The following APP variants were observed in gnomAD, a reference collection of about 807,000 sequenced individuals.
APP encodes the protein amyloid-beta precursor protein.
Under a neutral mutation model 101.4 loss-of-function variants are expected in APP, and 31 were observed. That is an observed-to-expected ratio of 0.31 (90% CI 0.23 to 0.41). The LOEUF (loss-of-function observed/expected upper bound fraction) is 0.41, where lower values mean the gene tolerates loss of function less well. Ranked by LOEUF, APP falls within the 10% of genes least tolerant of loss-of-function variation. The pLI, the probability that APP is intolerant of heterozygous loss-of-function variation, is 1.00. For synonymous variants in APP, 366 were observed against 364.4 expected, an observed-to-expected ratio of 1.00 and a Z score of -0.05; for missense variants, 839 against 1,003.7, an observed-to-expected ratio of 0.84 and a Z score of 2.22.
chr21:25,970,121 C>T (rs1047820190), intron 11 of APP, among the ~76,000 whole-genome samples: 1 of 151,970 alleles, frequency 6.6e-6, no homozygotes, highest in African/African-American at 2.4e-5. Context: ...TAAAATATTT[C>T]TTCCTAATCC....
chr21:25,930,999 T>C (rs1053287470), intron 13 of APP, among the ~76,000 whole-genome samples: 1 of 152,098 alleles, frequency 6.6e-6, no homozygotes, highest in Non-Finnish European at 1.5e-5. Context: ...AAAGAAATAA[T>C]CTGCAACCAA....
intron 2 of APP, among the ~76,000 whole-genome samples, chr21:26,100,406 T>G (rs2062030301): frequency 1.3e-5 from 2 of 152,224 alleles, no homozygotes; most frequent in Non-Finnish European, 2.9e-5. Context: ...TTGCCAATTT[T>G]CAGCCTACAA....
At chr21:26,022,800 T>C (rs745408401) in intron 5 of APP, among the ~76,000 whole-genome samples, 2 of 152,210 alleles carry the variant, frequency 1.3e-5, no homozygotes, top group Non-Finnish European at 2.9e-5. Flanking sequence ...TGGAAATTGG[T>C]TTAAAAACTG....
chr21:26,109,220 T>A (rs1048934547), intron 2 of APP, among the ~76,000 whole-genome samples: 1 of 152,236 alleles, frequency 6.6e-6, no homozygotes, highest in African/African-American at 2.4e-5. Flanking sequence ...AACCCTTTGA[T>A]ACAGTTTGGC....
At chr21:26,109,295 G>A (rs1419634964) in intron 2 of APP, among the ~76,000 whole-genome samples, 1 of 152,192 alleles carries the variant, frequency 6.6e-6, no homozygotes, top group African/African-American at 2.4e-5. Context: ...GGGTCTGGTG[G>A]GAAGGGATTG....
intron 6 of APP, among the ~76,000 whole-genome samples, chr21:26,019,078 T>A (rs1396946019): frequency 6.6e-6 from 1 of 152,262 alleles, no homozygotes; most frequent in Non-Finnish European, 1.5e-5. Flanking sequence ...TTGTACTGCA[T>A]AACTGATGTC....
intron 13 of APP, among the ~76,000 whole-genome samples, chr21:25,940,013 T>G (rs1036935183): frequency 1.3e-5 from 2 of 152,128 alleles, no homozygotes; most frequent in African/African-American, 4.8e-5. Context: ...GGAGAATGTC[T>G]GACATTTTCA....
intron 13 of APP, among the ~76,000 whole-genome samples, chr21:25,916,544 T>A (rs998179379): frequency 2.0e-5 from 3 of 152,180 alleles, no homozygotes; most frequent in African/African-American, 7.2e-5. Context: ...TTGACTTCCA[T>A]GGTGAGACTA....
intron 11 of APP, among the ~76,000 whole-genome samples, chr21:25,972,918 G>A (rs1187168224): frequency 2.6e-5 from 4 of 151,886 alleles, no homozygotes; most frequent in African/African-American, 4.8e-5. Flanking sequence ...GAGAGAGAGA[G>A]ATGAAAAATG....
chr21:26,046,850 T>TA (rs2045632541), intron 5 of APP, among the ~76,000 whole-genome samples: 2 of 152,194 alleles, frequency 1.3e-5, no homozygotes, highest in African/African-American at 4.8e-5. Context: ...CCTACCTGGC[T>TA]AGTCTTACAA....
chr21:25,906,818 A>G (rs2038815762), intron 14 of APP, among the ~76,000 whole-genome samples: 1 of 151,730 alleles, frequency 6.6e-6, no homozygotes, highest in Non-Finnish European at 1.5e-5. Flanking sequence ...ACAACAGACC[A>G]CATGCACGAG....
chr21:26,091,502 C>G (rs971152168), intron 2 of APP, among the ~76,000 whole-genome samples: 1 of 152,154 alleles, frequency 6.6e-6, no homozygotes, highest in African/African-American at 2.4e-5. Flanking sequence ...GAATCATGAA[C>G]TGACAAATTG....
intron 5 of APP, among the ~76,000 whole-genome samples, chr21:26,032,871 G>C (rs2044903096): frequency 6.6e-6 from 1 of 151,640 alleles, no homozygotes. Context: ...CCCAACTGCT[G>C]ACTATAGGCT....
At chr21:26,167,594 A>G (rs1283364248) in intron 1 of APP, among the ~76,000 whole-genome samples, 1 of 152,220 alleles carries the variant, frequency 6.6e-6, no homozygotes, top group Admixed American at 6.5e-5. Context: ...AAACAGTAAC[A>G]TAAAATAGAG....
chr21:26,152,284 CAAAAAAAA>C (rs1161739630), intron 1 of APP, among the ~76,000 whole-genome samples: 3 of 36,202 alleles, frequency 8.3e-5, no homozygotes, highest in Admixed American at 4.3e-4. Context: ...GACTCCATCT[CAAAAAAAA>C]AAAAAAAAAA....
At chr21:25,988,196 C>G (rs1337079580) in intron 8 of APP, among the ~76,000 whole-genome samples, 1 of 152,024 alleles carries the variant, frequency 6.6e-6, no homozygotes, top group Non-Finnish European at 1.5e-5. Flanking sequence ...GCAAATTCCA[C>G]GAGACCCGCA....
At chr21:25,903,028 G>A (rs530273269) in intron 15 of APP, among the ~76,000 whole-genome samples, 5 of 151,988 alleles carry the variant, frequency 3.3e-5, no homozygotes, top group African/African-American at 7.3e-5. Context: ...GTTTGACAGC[G>A]TTTGGAGGTG....
chr21:25,983,407 A>C (rs928277261), intron 8 of APP, among the ~76,000 whole-genome samples: 1 of 152,244 alleles, frequency 6.6e-6, no homozygotes, highest in Non-Finnish European at 1.5e-5. Context: ...AAATATCACC[A>C]ATGTTCCAAG....
At chr21:26,053,032 C>T (rs138772727) in intron 4 of APP, among the ~76,000 whole-genome samples, 8 of 152,170 alleles carry the variant, frequency 5.3e-5, no homozygotes, top group East Asian at 1.9e-4. Flanking sequence ...AGGGGGTACA[C>T]GGGAACTCTA....
Sources: gnomAD v4.1 joint callset for allele counts (sites outside exome capture counted in the v4.1 genomes callset) on GRCh38, gnomAD v4.1.1 for gene constraint, MANE v1.5 for transcripts, NCBI Gene and HGNC (gene_info 2026-07-23, HGNC 2026-07-21) for gene names.